Variants in HIVEP1 observed in about 807,000 individuals in gnomAD.
HIVEP1 encodes the protein HIVEP zinc finger 1, also known as zinc finger protein 40.
Under a neutral mutation model 180.0 loss-of-function variants are expected in HIVEP1, and 36 were observed. That is an observed-to-expected ratio of 0.20 (90% CI 0.15 to 0.26). HIVEP1 has a LOEUF of 0.26. Ranked by LOEUF, HIVEP1 falls within the 10% of genes least tolerant of loss-of-function variation. The pLI, the probability that HIVEP1 is intolerant of heterozygous loss-of-function variation, is 1.00. For missense variants in HIVEP1, 3,143 were observed against 3,268.7 expected, an observed-to-expected ratio of 0.96 and a Z score of 0.94; for synonymous variants, 1,239 against 1,239.0, an observed-to-expected ratio of 1.00 and a Z score of 0.00.
intron 2 of HIVEP1, among the ~76,000 whole-genome samples, chr6:12,028,617 A>T (rs1393603948): frequency 6.6e-6 from 1 of 152,192 alleles, no homozygotes; most frequent in East Asian, 1.9e-4. Flanking sequence ...TATTTGATGG[A>T]TATGCTCCTT....
At chr6:12,059,650 C>T (rs187852679) in intron 2 of HIVEP1, among the ~76,000 whole-genome samples, 2 of 152,236 alleles carry the variant, frequency 1.3e-5, no homozygotes, top group African/African-American at 2.4e-5. Context: ...TCATGCTTTT[C>T]CCTGAATCTC....
Position 12,164,819 on chromosome 6 carries a change from A to ATC in HIVEP1, c.*358_*359insTC, listed in dbSNP as rs1226960573. 1 of 178,396 alleles carries ATC rather than the reference A, an allele frequency of 5.6e-6. No homozygotes were observed. Among genetic ancestry groups the ATC allele is most frequent in the Non-Finnish European group, 1.2e-5 (1 of 84,146 alleles). 11.1% of individuals were successfully genotyped at this position (178,396 alleles called of 1,614,324 possible). ...ATTATATGTTCCACTGTTGAATATA[A>ATC]ATTTTATGGCTATGGGGCAGAGTTT... On this transcript the variant is annotated 3_prime_UTR_variant, in exon 9 of 9. Coordinates refer to ENST00000379388, the MANE Select transcript of HIVEP1 (RefSeq NM_002114.4).
At chr6:12,016,602 C>T (rs186435827) in intron 2 of HIVEP1, among the ~76,000 whole-genome samples, 13 of 152,264 alleles carry the variant, frequency 8.5e-5, no homozygotes, top group South Asian at 2.1e-4. Flanking sequence ...TTATGGCCTC[C>T]GTGAATCTGG....
At chr6:12,128,680 G>A (rs962706312) in intron 4 of HIVEP1, among the ~76,000 whole-genome samples, 6 of 152,120 alleles carry the variant, frequency 3.9e-5, no homozygotes, top group African/African-American at 1.2e-4. Flanking sequence ...GGCACTATAA[G>A]TGAGACAACA....
At position 12,122,732 on chromosome 6, in the gene HIVEP1, A is replaced by G. The variant is rs1264005147; in HGVS notation, c.2937A>G (p.Lys979=). Reference sequence around the variant, plus strand: ...TGGAAAATTTTGAAAATCATAAGAAATTTTACTGTTCTGAGTTACATGGAC... The same window carrying G: ...TGGAAAATTTTGAAAATCATAAGAAGTTTTACTGTTCTGAGTTACATGGAC... ...RKLENFENHK[K]FYCSELHGPK... is the part of the protein sequence containing the mutation. The change falls in exon 4 of 9, where the codon AAA becomes AAG. Residue 979 remains lysine (K), a synonymous_variant. Transcript: ENST00000379388. 2.5e-6 allele frequency: 4 copies of G among 1,613,680 alleles called. No homozygotes were observed. The highest frequency in any genetic ancestry group is 2.7e-5 in the African/African-American group (2 of 74,930).
At chr6:12,156,986 T>G (rs1354991287) in intron 7 of HIVEP1, among the ~76,000 whole-genome samples, 1 of 152,180 alleles carries the variant, frequency 6.6e-6, no homozygotes, top group East Asian at 1.9e-4. Context: ...TTCCGCTCCT[T>G]TATTTCGAAG....
At chr6:12,118,935 T>A (rs1397313888) in intron 3 of HIVEP1, among the ~76,000 whole-genome samples, 1 of 152,226 alleles carries the variant, frequency 6.6e-6, no homozygotes, top group Non-Finnish European at 1.5e-5. Context: ...AGAACCTTAA[T>A]GAGATAAGAC....
chr6:12,078,641 A>G (rs1029534497), intron 2 of HIVEP1, among the ~76,000 whole-genome samples: 1 of 151,122 alleles, frequency 6.6e-6, no homozygotes, highest in Admixed American at 6.6e-5. Flanking sequence ...ATATACACAC[A>G]CACACACACA....
At chr6:12,011,614 C>T (rs1211341192), upstream of HIVEP1, among the ~76,000 whole-genome samples, 2 of 149,944 alleles carry the variant, frequency 1.3e-5, no homozygotes, top group Non-Finnish European at 3.0e-5. Context: ...GCGTCCCCCT[C>T]CCGTCCCTGC....
At chr6:12,018,123 G>C (rs1416813714) in intron 2 of HIVEP1, among the ~76,000 whole-genome samples, 1 of 152,254 alleles carries the variant, frequency 6.6e-6, no homozygotes, top group Non-Finnish European at 1.5e-5. Flanking sequence ...GGCCGGCACT[G>C]CTGGGGGACC....
chr6:12,064,150 A>AT (rs1445145266), intron 2 of HIVEP1, among the ~76,000 whole-genome samples: 3 of 151,990 alleles, frequency 2.0e-5, no homozygotes, highest in Non-Finnish European at 2.9e-5. Context: ...CACCAAATAA[A>AT]TTTTTTTTAA....
In HIVEP1 at chr6:12,161,911, A is replaced by G; in HGVS notation, c.6960A>G (p.Lys2320=). The G allele has an allele frequency of 6.2e-7, 1 of 1,611,546 alleles. No homozygotes were observed. Among genetic ancestry groups the G allele is most frequent in the Non-Finnish European group, 8.5e-7 (1 of 1,178,266 alleles). Reference sequence around the variant, plus strand: ...TTCTGAGAAGTTCTATGGCAGGAAAAGCTGTTGCTATAACACAGGTAAATG... The same window carrying G: ...TTCTGAGAAGTTCTATGGCAGGAAAGGCTGTTGCTATAACACAGGTAAATG... ...EEILRSSMAG[K]AVAITQSPSS... The change falls in exon 8 of 9, where the codon AAA becomes AAG. Residue 2320 remains lysine, a synonymous_variant. Coordinates refer to ENST00000379388, the MANE Select transcript of HIVEP1 (RefSeq NM_002114.4).
chr6:12,150,793 A>G (rs532888779), intron 7 of HIVEP1, among the ~76,000 whole-genome samples: 1 of 152,216 alleles, frequency 6.6e-6, no homozygotes, highest in South Asian at 2.1e-4. Context: ...TAAAATATAT[A>G]TATATAATTG....
chr6:12,163,333 G>C lies in HIVEP1; in HGVS notation c.7029G>C (p.Gln2343His). Residue 2343 changes from glutamine to histidine, a missense_variant, in exon 9 of 9, where the codon CAG (glutamine) becomes CAC (histidine). Around this residue, in one of 12 missense-constraint regions of HIVEP1, gnomAD observed 595 missense variants for 602.2 expected, o/e 0.99. Transcript: ENST00000379388. ...LPPAAAEHSPQTAAGMPSVAS... is the reference protein window; with the variant it reads ...LPPAAAEHSPHTAAGMPSVAS... ...CTGCTGCAGCTGAGCACAGCCCCCA[G>C]ACAGCAGCGGGGATGCCTTCTGTGG... 1 of 1,614,172 alleles carries C rather than the reference G, an allele frequency of 6.2e-7. No individual in the cohort carries two copies. Among genetic ancestry groups the C allele is most frequent in the Non-Finnish European group, 8.5e-7 (1 of 1,180,026 alleles).
intron 2 of HIVEP1, among the ~76,000 whole-genome samples, chr6:12,017,223 CTG>C (rs896463911): frequency 9.9e-5 from 15 of 152,172 alleles, no homozygotes; most frequent in African/African-American, 3.4e-4. Context: ...ATGTTTGTTA[CTG>C]TGTCTGGAAT....
chr6:12,121,864 C>G lies in HIVEP1; in HGVS notation c.2069C>G (p.Thr690Ser), dbSNP rs1315530460. ...ESADQTVSPP[T>S]PFARRLPSTE... Reference sequence around the variant, plus strand: ...GCCGATCAAACAGTGAGTCCACCAACTCCCTTTGCCAGAAGGTTACCCAGC... The same window carrying G: ...GCCGATCAAACAGTGAGTCCACCAAGTCCCTTTGCCAGAAGGTTACCCAGC... Residue 690 changes from threonine (T) to serine (S), a missense_variant, in exon 4 of 9, where the codon ACT (threonine) becomes AGT (serine). Coordinates refer to ENST00000379388, the MANE Select transcript of HIVEP1 (RefSeq NM_002114.4). The surrounding 1 kb of genome is among the most constrained non-coding windows in gnomAD (Gnocchi z 5.3). 1.2e-6 allele frequency: 2 copies of G among 1,614,206 alleles called. No homozygotes were observed. Among genetic ancestry groups the G allele is most frequent in the Non-Finnish European group, 1.7e-6 (2 of 1,180,032 alleles).
At chr6:12,175,075 A>G in the HIVEP1 span, among the ~76,000 whole-genome samples, 2 of 152,318 alleles carry the variant, frequency 1.3e-5, no homozygotes, top group South Asian at 4.1e-4. Context: ...ATTTATGACT[A>G]AATAGGGTGT....
intron 1 of HIVEP1, 173 bp downstream of exon 1, chr6:12,012,739 C>CG (rs1767449925): frequency 6.6e-6 from 1 of 151,898 alleles, no homozygotes; most frequent in Non-Finnish European, 1.5e-5. Flanking sequence ...TGGCTGCGTG[C>CG]GGGAGACCCT....
chr6:12,017,514 T>C (rs1056245696), intron 2 of HIVEP1, among the ~76,000 whole-genome samples: 1 of 152,120 alleles, frequency 6.6e-6, no homozygotes, highest in South Asian at 2.1e-4. Context: ...TTCCACAGTC[T>C]GCAAGGGGAC....
Sources: gnomAD v4.1 joint callset for allele counts (sites outside exome capture counted in the v4.1 genomes callset) on GRCh38, gnomAD v4.1.1 for gene constraint, gnomAD v4.1.1 regional missense constraint, Gnocchi (gnomAD v3.1) non-coding constraint, MANE v1.5 for transcripts, NCBI Gene and HGNC (gene_info 2026-07-23, HGNC 2026-07-21) for gene names.